LPP: variants seen among roughly 807,000 people sequenced by gnomAD.
The protein encoded by LPP is lipoma-preferred partner.
LPP carries 38 observed loss-of-function variants against 60.4 expected under a neutral mutation model. The observed-to-expected ratio is 0.63, with a 90% CI of 0.49 to 0.83. LPP has a LOEUF of 0.83. Among genes scored for constraint, LPP ranks in the 40% least tolerant of loss-of-function variants. The probability of loss-of-function intolerance (pLI) is 0.00; values close to 1 mark genes in which losing one functional copy is unlikely to be tolerated. For synonymous variants in LPP, 328 were observed against 290.8 expected (o/e 1.13, Z -1.30); for missense variants, 902 against 783.6 (o/e 1.15, Z -1.80).
intron 9 of LPP, among the ~76,000 whole-genome samples, chr3:188,859,949 A>C (rs1442444738): frequency 6.7e-6 from 1 of 149,510 alleles, no homozygotes; most frequent in East Asian, 2.2e-4. Flanking sequence ...TCACAGTCAT[A>C]GGGGTGGGAT....
intron 2 of LPP, among the ~76,000 whole-genome samples, chr3:188,321,729 C>A (rs896511768): frequency 1.4e-4 from 21 of 152,142 alleles, no homozygotes; most frequent in Non-Finnish European, 1.0e-4. Context: ...GGGATTGGGT[C>A]TTTTTCTCTT....
chr3:188,483,073 G>A (rs1805283620), intron 4 of LPP, among the ~76,000 whole-genome samples: 1 of 152,188 alleles, frequency 6.6e-6, no homozygotes, highest in African/African-American at 2.4e-5. Flanking sequence ...TTCGGTGGCA[G>A]TGTATGAAAA....
rs866896177 is a variant in LPP at position 188,173,236 on chromosome 3, C to T, written c.-190+18984C>T. 1.1e-3 allele frequency among the ~76,000 whole-genome samples: 166 copies of T among 152,318 alleles called. 1 individual carries two copies. The highest frequency in any genetic ancestry group is 3.8e-3 in the African/African-American group (159 of 41,582). On this transcript the variant is annotated intron_variant, in intron 1 of 11. Transcript: ENST00000617246. ...CTATTACAGGTCAGGCGCGGTGGCT[C>T]ATGCCTGTAATCCCAGCACTTTGGG...
chr3:188,616,704 G>A (rs932358091), intron 7 of LPP, among the ~76,000 whole-genome samples: 7 of 152,218 alleles, frequency 4.6e-5, no homozygotes, highest in Middle Eastern at 3.4e-3. Flanking sequence ...GAGCCGATAC[G>A]TTAACAATAC....
intron 8 of LPP, among the ~76,000 whole-genome samples, chr3:188,724,094 T>C (rs1219017772): frequency 2.0e-5 from 3 of 152,212 alleles, no homozygotes; most frequent in Non-Finnish European, 2.9e-5. Flanking sequence ...TAGTACATAT[T>C]GAGCACTGAC....
chr3:188,706,969 T>C (rs1865600735), intron 7 of LPP, among the ~76,000 whole-genome samples: 1 of 152,178 alleles, frequency 6.6e-6, no homozygotes, highest in South Asian at 2.1e-4. Context: ...GTCAAATTTA[T>C]AGGCAATGGA....
chr3:188,841,956 G>C (rs966070393), intron 9 of LPP, among the ~76,000 whole-genome samples: 5 of 152,130 alleles, frequency 3.3e-5, no homozygotes, highest in Admixed American at 3.3e-4. Flanking sequence ...TGAGACGATG[G>C]GGTTTTCTAA....
At chr3:188,286,131 C>T (rs751554283) in intron 2 of LPP, among the ~76,000 whole-genome samples, 15 of 152,158 alleles carry the variant, frequency 9.9e-5, no homozygotes, top group Non-Finnish European at 1.9e-4. Context: ...CTTGTCACAA[C>T]GTGTCAGATT....
chr3:188,444,708 T>A (rs1366330654), intron 4 of LPP, among the ~76,000 whole-genome samples: 2 of 152,088 alleles, frequency 1.3e-5, no homozygotes, highest in Non-Finnish European at 2.9e-5. Context: ...GCCTACAGAA[T>A]GGGAGAAAAT....
intron 9 of LPP, among the ~76,000 whole-genome samples, chr3:188,857,912 C>T (rs1198339473): frequency 6.6e-6 from 1 of 151,946 alleles, no homozygotes; most frequent in East Asian, 1.9e-4. Flanking sequence ...ATGTCTTAGC[C>T]CCTTGAAATT....
chr3:188,722,174 C>T (rs928010983), intron 8 of LPP, among the ~76,000 whole-genome samples: 11 of 152,082 alleles, frequency 7.2e-5, no homozygotes, highest in African/African-American at 2.2e-4. Flanking sequence ...GCTTTCAATG[C>T]CAGGTAATAA....
intron 2 of LPP, among the ~76,000 whole-genome samples, chr3:188,275,823 G>A (rs900751823): frequency 5.3e-5 from 8 of 152,008 alleles, no homozygotes; most frequent in East Asian, 1.9e-4. Flanking sequence ...TTACAGGCAC[G>A]TGCCACCACA....
intron 8 of LPP, among the ~76,000 whole-genome samples, chr3:188,754,231 C>G (rs1729400719): frequency 6.6e-6 from 1 of 152,164 alleles, no homozygotes; most frequent in Non-Finnish European, 1.5e-5. Flanking sequence ...AAGTAAACCA[C>G]TTTCTCTGGC....
intron 1 of LPP, among the ~76,000 whole-genome samples, chr3:188,157,080 G>A (rs1408579914): frequency 6.6e-6 from 1 of 152,122 alleles, no homozygotes; most frequent in Non-Finnish European, 1.5e-5. Flanking sequence ...TTGTGCAGTT[G>A]TTTTTCATCC....
chr3:188,343,215 T>C (rs913041219), intron 3 of LPP, among the ~76,000 whole-genome samples: 1 of 152,076 alleles, frequency 6.6e-6, no homozygotes, highest in African/African-American at 2.4e-5. Flanking sequence ...CCTCCCTGTG[T>C]CCATGTGTTC....
intron 6 of LPP, among the ~76,000 whole-genome samples, chr3:188,529,983 G>C (rs552993061): frequency 1.3e-5 from 2 of 152,358 alleles, no homozygotes; most frequent in African/African-American, 4.8e-5. Flanking sequence ...GGACTGCGTA[G>C]AGCAGGCAGT....
In LPP at chr3:188,562,067, ACACAC is replaced by A. The variant is rs1392790971; in HGVS notation, c.429+37281_429+37285del. On this transcript the variant is annotated intron_variant, in intron 6 of 11. Transcript: ENST00000617246. ...CACGCACACACAGACACACACAGAC[ACACAC>A]AGACACACACACACATACAAACACA... is the stretch of plus-strand genomic sequence containing the variant. 9.2e-5 allele frequency among the ~76,000 whole-genome samples: 14 copies of A among 151,810 alleles called. No individual in the cohort carries two copies. The East Asian group carries it at 2.7e-3, about 30-fold the overall frequency.
At chr3:188,643,667 C>T (rs1169469570) in intron 7 of LPP, among the ~76,000 whole-genome samples, 1 of 152,114 alleles carries the variant, frequency 6.6e-6, no homozygotes, top group Admixed American at 6.5e-5. Flanking sequence ...TGTGATGTCT[C>T]CTGTCCTGTG....
rs575435209 is a variant in LPP, at chr3:188,463,884, A to T, written c.194-20708A>T. Among the ~76,000 whole-genome samples, 15 of 152,306 alleles carry T rather than the reference A, an allele frequency of 9.8e-5. No individual in the cohort carries two copies. The East Asian group carries it at 2.9e-3, about 29-fold the overall frequency. On this transcript the variant is annotated intron_variant, in intron 4 of 11. Transcript: ENST00000617246. ...GGTCCTCATAACATTCACACTAAGC[A>T]TTCATGGCAGAGCCAGCACTGGCAC...
Sources: allele counts gnomAD v4.1 joint callset (sites outside exome capture counted in the v4.1 genomes callset), GRCh38; gene constraint gnomAD v4.1.1; transcripts MANE v1.5; gene names NCBI Gene and HGNC (gene_info 2026-07-23, HGNC 2026-07-21).